Variants in KCNIP4 observed in about 807,000 individuals in gnomAD.
KCNIP4 encodes potassium voltage-gated channel interacting protein 4.
In KCNIP4, 12 loss-of-function variants were observed where a neutral mutation model predicts 34.0. The observed-to-expected ratio is 0.35, with a 90% CI of 0.23 to 0.57. The LOEUF (loss-of-function observed/expected upper bound fraction) is 0.57. KCNIP4 is among the 20% of genes least tolerant of loss of function. The probability of loss-of-function intolerance (pLI) is 0.83; values close to 1 mark genes in which losing one functional copy is unlikely to be tolerated. For synonymous variants in KCNIP4, 124 were observed against 102.2 expected (o/e 1.21, Z -1.29); for missense variants, 238 against 311.7 (o/e 0.76, Z 1.78).
At chr4:21,506,299 T>C (rs1733841583) in intron 1 of KCNIP4, among the ~76,000 whole-genome samples, 1 of 152,190 alleles carries the variant, frequency 6.6e-6, no homozygotes, top group Admixed American at 6.5e-5. Flanking sequence ...TTCCTCTTCA[T>C]AGCCACCTGA....
At chr4:21,257,473 C>T (rs1195172656) in intron 1 of KCNIP4, among the ~76,000 whole-genome samples, 3 of 152,122 alleles carry the variant, frequency 2.0e-5, no homozygotes, top group Non-Finnish European at 2.9e-5. Context: ...GGCTGCGGGG[C>T]GTGGTGGCTC....
chr4:20,877,698 C>T (rs1046512941), intron 2 of KCNIP4, among the ~76,000 whole-genome samples: 11 of 152,206 alleles, frequency 7.2e-5, no homozygotes, highest in African/African-American at 1.7e-4. Flanking sequence ...GGGTGCCAAC[C>T]GTATGAAATT....
chr4:21,082,626 A>G (rs1319371944), intron 1 of KCNIP4, among the ~76,000 whole-genome samples: 1 of 151,730 alleles, frequency 6.6e-6, no homozygotes, highest in Non-Finnish European at 1.5e-5. Flanking sequence ...AAGAAGTAAT[A>G]AAGTCTTACA....
chr4:21,152,687 C>A (rs1560768432), intron 1 of KCNIP4, among the ~76,000 whole-genome samples: 2 of 144,862 alleles, frequency 1.4e-5, no homozygotes, highest in Admixed American at 1.4e-4. Flanking sequence ...GGTCCTGGTC[C>A]GTGGCCTGTT....
At chr4:21,397,977 TCA>T (rs763851470) in intron 1 of KCNIP4, among the ~76,000 whole-genome samples, 1 of 152,198 alleles carries the variant, frequency 6.6e-6, no homozygotes. Context: ...GGAAACACAG[TCA>T]CACACACCGT....
At chr4:21,436,002 C>T (rs539090800) in intron 1 of KCNIP4, among the ~76,000 whole-genome samples, 11 of 152,284 alleles carry the variant, frequency 7.2e-5, no homozygotes, top group African/African-American at 2.6e-4. Context: ...GCTCCCAGAT[C>T]GTCTTCTTAC....
chr4:21,551,783 C>A (rs1738604872), intron 1 of KCNIP4, among the ~76,000 whole-genome samples: 1 of 152,016 alleles, frequency 6.6e-6, no homozygotes, highest in Admixed American at 6.6e-5. Context: ...GTTCCCCTAA[C>A]CGCACTATAC....
intron 1 of KCNIP4, among the ~76,000 whole-genome samples, chr4:21,731,107 C>G (rs1160683106): frequency 1.6e-5 from 2 of 125,102 alleles, no homozygotes; most frequent in South Asian, 6.4e-4. Flanking sequence ...GAAGTAAGAA[C>G]CTGTCTCAAA....
At chr4:20,741,120 T>C (rs1035822993) in intron 5 of KCNIP4, among the ~76,000 whole-genome samples, 1 of 152,100 alleles carries the variant, frequency 6.6e-6, no homozygotes, top group Non-Finnish European at 1.5e-5. Context: ...ACAATAATAA[T>C]GGGAGGCTTT....
chr4:20,898,262 G>A (rs1031772008), intron 1 of KCNIP4, among the ~76,000 whole-genome samples: 13 of 152,158 alleles, frequency 8.5e-5, no homozygotes, highest in South Asian at 8.3e-4. Context: ...TTTGGTCTTC[G>A]TAATCATGTG....
chr4:20,897,701 T>G (rs2149546797), intron 1 of KCNIP4, among the ~76,000 whole-genome samples: 1 of 152,200 alleles, frequency 6.6e-6, no homozygotes, highest in South Asian at 2.1e-4. Flanking sequence ...AAAGGCCAGG[T>G]GAGGACGCTG....
At chr4:21,588,170 C>G (rs10212635) in intron 1 of KCNIP4, among the ~76,000 whole-genome samples, 4 of 151,776 alleles carry the variant, frequency 2.6e-5, no homozygotes, top group Non-Finnish European at 5.9e-5. Flanking sequence ...AAAATAACTA[C>G]CAACATTATT....
chr4:21,327,535 G>A (rs1593343), intron 1 of KCNIP4, among the ~76,000 whole-genome samples: 4,801 of 152,074 alleles, frequency 0.032, 194 homozygotes, highest in South Asian at 0.15. Context: ...TGTTATTTGA[G>A]GTAATTCTGC....
At chr4:21,457,892 A>G (rs1729100175) in intron 1 of KCNIP4, among the ~76,000 whole-genome samples, 1 of 152,018 alleles carries the variant, frequency 6.6e-6, no homozygotes, top group Non-Finnish European at 1.5e-5. Context: ...ATCTCTAATC[A>G]TGACCATCAG....
intron 1 of KCNIP4, among the ~76,000 whole-genome samples, chr4:21,617,079 A>G (rs1298115829): frequency 6.6e-6 from 1 of 152,204 alleles, no homozygotes; most frequent in African/African-American, 2.4e-5. Flanking sequence ...GAATACACAA[A>G]TTAGTAAGAC....
intron 1 of KCNIP4, among the ~76,000 whole-genome samples, chr4:21,194,453 C>T (rs1039297060): frequency 3.9e-5 from 6 of 152,134 alleles, no homozygotes; most frequent in Admixed American, 3.9e-4. Flanking sequence ...AAGGAATCAA[C>T]CTCTATCTTA....
At chr4:20,904,126 C>G (rs1350676717) in intron 1 of KCNIP4, among the ~76,000 whole-genome samples, 2 of 152,068 alleles carry the variant, frequency 1.3e-5, no homozygotes, top group Non-Finnish European at 2.9e-5. Flanking sequence ...ATGGAATTAA[C>G]TAGAGAACTG....
At chr4:21,416,588 G>C (rs1289267185) in intron 1 of KCNIP4, among the ~76,000 whole-genome samples, 1 of 152,110 alleles carries the variant, frequency 6.6e-6, no homozygotes, top group African/African-American at 2.4e-5. Flanking sequence ...GAAAATGGTT[G>C]GAAGACAGGA....
chr4:20,738,064 A>G (rs1357070001), intron 5 of KCNIP4, among the ~76,000 whole-genome samples: 2 of 151,880 alleles, frequency 1.3e-5, no homozygotes, highest in African/African-American at 4.8e-5. Flanking sequence ...CAGAAGGTCG[A>G]GGCTACAGTG....
Sources: allele counts gnomAD v4.1 joint callset (sites outside exome capture counted in the v4.1 genomes callset), GRCh38; gene constraint gnomAD v4.1.1; transcripts MANE v1.5; gene names NCBI Gene and HGNC (gene_info 2026-07-23, HGNC 2026-07-21).